The following GAL variants were observed in gnomAD, a reference collection of about 807,000 sequenced individuals.
The protein encoded by GAL is galanin and GMAP prepropeptide, also known as galanin peptides.
GAL carries 14 observed loss-of-function variants against 15.8 expected under a neutral mutation model. The ratio of observed to expected loss-of-function variants is 0.89; its 90% CI spans 0.59 to 1.39. The LOEUF (loss-of-function observed/expected upper bound fraction) is 1.39. Ranked by LOEUF, GAL falls within the 40% of genes most tolerant of loss-of-function variation. The pLI is 0.00. For synonymous variants in GAL, 79 were observed against 73.8 expected, an observed-to-expected ratio of 1.07 and a Z score of -0.36; for missense variants, 176 against 170.4, an observed-to-expected ratio of 1.03 and a Z score of -0.18.
rs769370772 is a variant in GAL, at chr11:68,688,067, C to T, written c.190C>T (p.Arg64Trp). 28 of 1,612,306 alleles carry T rather than the reference C, an allele frequency of 1.7e-5. No homozygotes were observed. Among genetic ancestry groups the T allele is most frequent in the East Asian group, 2.2e-5 (1 of 44,858 alleles). ...CGACAAGAATGGCCTCACCAGCAAG[C>T]GGGAGCTGCGGCCCGAAGATGACAT... ...FSDKNGLTSK[R>W]ELRPEDDMKP... The change falls in exon 4 of 6, where the codon CGG becomes TGG. Residue 64 changes from arginine (R) to tryptophan (W), a missense_variant. Arg to Trp is a moderately radical substitution (Grantham distance 101, BLOSUM62 -3). Coordinates refer to ENST00000265643, the MANE Select transcript of GAL (RefSeq NM_015973.5).
At chr11:68,689,052 C>A (rs1945881600) in intron 5 of GAL, 126 bp downstream of exon 5, 1 of 636,624 alleles carries the variant, frequency 1.6e-6, no homozygotes, top group South Asian at 1.7e-5. Context: ...GTACAAAGTC[C>A]TGTTTGGCTG....
chr11:68,686,248 C>T (rs1945851694), intron 3 of GAL, among the ~76,000 whole-genome samples: 1 of 152,144 alleles, frequency 6.6e-6, no homozygotes, highest in Non-Finnish European at 1.5e-5. Context: ...CCGTGTCCGC[C>T]CCCGCCCCTG....
intron 2 of GAL, 78 bp from the exon 3 acceptor site, chr11:68,685,516 C>T: frequency 3.1e-6 from 3 of 977,590 alleles, no homozygotes; most frequent in East Asian, 4.9e-5. Flanking sequence ...TCTGCCATGC[C>T]GGGAAAGCCT....
chr11:68,690,823 C>A, intron 5 of GAL, 94 bp from the exon 6 acceptor site: 1 of 826,524 alleles, frequency 1.2e-6, no homozygotes. Flanking sequence ...CAGAGGACGA[C>A]CACACGCCGC....
intron 3 of GAL, 42 bp downstream of exon 3, chr11:68,685,690 C>T: frequency 1.4e-6 from 2 of 1,444,006 alleles, no homozygotes; most frequent in Non-Finnish European, 1.9e-6. Context: ...CTGACCCCAC[C>T]TGCCCCTCGC....
chr11:68,689,022 G>T, intron 5 of GAL, 96 bp downstream of exon 5: 1 of 695,068 alleles, frequency 1.4e-6, no homozygotes. Flanking sequence ...CCCCTGGGAA[G>T]TAGCCGATTA....
intron 3 of GAL, among the ~76,000 whole-genome samples, chr11:68,686,221 T>G (rs1361799027): frequency 6.6e-6 from 1 of 152,140 alleles, no homozygotes; most frequent in Non-Finnish European, 1.5e-5. Context: ...GATGGGACAC[T>G]GCAGGCTGAC....
At chr11:68,689,069 G>A (rs1306593575) in intron 5 of GAL, 143 bp downstream of exon 5, 16 of 621,594 alleles carry the variant, frequency 2.6e-5, no homozygotes, top group East Asian at 8.4e-5. Flanking sequence ...GCTGTGTGTC[G>A]GGATAACAGA....
At chr11:68,685,232 C>T (rs187519322) in intron 2 of GAL, among the ~76,000 whole-genome samples, 146 of 152,342 alleles carry the variant, frequency 9.6e-4, no homozygotes, top group African/African-American at 3.4e-3. Flanking sequence ...ATAACCAGGC[C>T]GCCGGGAGAG....
rs1327157843 is a variant in GAL at position 68,690,897 on chromosome 11, T to A, written c.302-20T>A. On this transcript the variant is annotated intron_variant, in intron 5 of 5. Coordinates refer to ENST00000265643, the MANE Select transcript of GAL (RefSeq NM_015973.5). ...GCATATTAAGAAGTTGCTGCTCAGATGTGGCTCTTCCCTTTGCAGAGGCCG... is the reference window on the plus strand; with the variant it reads ...GCATATTAAGAAGTTGCTGCTCAGAAGTGGCTCTTCCCTTTGCAGAGGCCG... 6.4e-7 allele frequency: 1 copy of A among 1,566,704 alleles called. No homozygotes were observed. Among genetic ancestry groups the A allele is most frequent in the Non-Finnish European group, 8.8e-7 (1 of 1,137,598 alleles).
intron 3 of GAL, among the ~76,000 whole-genome samples, chr11:68,686,168 T>C (rs1406437062): frequency 6.6e-6 from 1 of 152,180 alleles, no homozygotes; most frequent in Non-Finnish European, 1.5e-5. Context: ...TTGTCACCTG[T>C]GTCAGCGGTG....
At chr11:68,688,149 T>TCC (rs988004438) in intron 4 of GAL, 49 bp downstream of exon 4, 1 of 1,128,334 alleles carries the variant, frequency 8.9e-7, no homozygotes, top group African/African-American at 1.5e-5. Flanking sequence ...TTCCACCAGC[T>TCC]CCCAGGTGCA....
In GAL at chr11:68,690,973, A is replaced by T. The variant is rs781196225; in HGVS notation, c.358A>T (p.Ile120Phe). 6.2e-7 allele frequency: 1 copy of T among 1,612,106 alleles called. No homozygotes were observed. Among genetic ancestry groups the T allele is most frequent in the South Asian group, 1.1e-5 (1 of 91,040 alleles). ...CCCCGCCGCAGCCTCCTCAGAAGAC[A>T]TCGAGCGGTCCTGAGAGCCTCCTGG... ...DLPAAASSED[I>F]ERS Residue 120 changes from isoleucine to phenylalanine, a missense_variant, in exon 6 of 6, where the codon ATC becomes TTC. Transcript: ENST00000265643.
intron 3 of GAL, among the ~76,000 whole-genome samples, chr11:68,687,204 C>T (rs1318673435): frequency 2.0e-5 from 3 of 152,114 alleles, no homozygotes; most frequent in Non-Finnish European, 4.4e-5. Flanking sequence ...TTGTAGATGG[C>T]ACAGTCCACC....
intron 3 of GAL, among the ~76,000 whole-genome samples, chr11:68,686,049 G>A (rs1022337840): frequency 6.6e-6 from 1 of 152,142 alleles, no homozygotes; most frequent in East Asian, 1.9e-4. Context: ...AGCTCCACAC[G>A]GGAATTGCCA....
intron 1 of GAL, 85 bp downstream of exon 1, chr11:68,684,817 C>A: frequency 1.5e-6 from 1 of 680,696 alleles, no homozygotes. Context: ...CTGCCAGGGC[C>A]CTGGCCCGGC....
intron 3 of GAL, 60 bp from the exon 4 acceptor site, chr11:68,687,954 T>C: frequency 2.0e-6 from 2 of 1,025,382 alleles, no homozygotes; most frequent in Non-Finnish European, 3.1e-6. Flanking sequence ...CTTCTTTGGG[T>C]GTGGGGAGGG....
Position 68,685,010 on chromosome 11 carries a change from T to C in GAL, c.81+6T>C. ...CTGCGGGGCTCTGGTCGCCGGTAAG[T>C]GCGGGGCGCGTCTCCTCCGAGCGAA... On this transcript the variant is annotated splice_donor_region_variant and intron_variant, in intron 2 of 5. Transcript: ENST00000265643. 6.3e-7 allele frequency: 1 copy of C among 1,579,864 alleles called. No individual in the cohort carries two copies. The highest frequency in any genetic ancestry group is 1.1e-5 in the South Asian group (1 of 87,314).
chr11:68,687,389 G>T (rs1467128262), intron 3 of GAL, among the ~76,000 whole-genome samples: 1 of 151,818 alleles, frequency 6.6e-6, no homozygotes, highest in Non-Finnish European at 1.5e-5. Context: ...TGCAATCACA[G>T]TTCCTCCATT....
Sources: gnomAD v4.1 joint callset for allele counts (sites outside exome capture counted in the v4.1 genomes callset) on GRCh38, gnomAD v4.1.1 for gene constraint, MANE v1.5 for transcripts, NCBI Gene and HGNC (gene_info 2026-07-23, HGNC 2026-07-21) for gene names.